FAM168A: variants seen among roughly 807,000 people sequenced by gnomAD.
The protein encoded by FAM168A is protein FAM168A.
In FAM168A, 3 loss-of-function variants were observed where a neutral mutation model predicts 28.5. That is an observed-to-expected ratio of 0.11 (90% CI 0.05 to 0.27). The LOEUF is 0.27. Among genes scored for constraint, FAM168A ranks in the 10% least tolerant of loss-of-function variants. The probability of loss-of-function intolerance (pLI) is 1.00; values close to 1 mark genes in which losing one functional copy is unlikely to be tolerated. For synonymous variants in FAM168A, 122 were observed against 124.2 expected (o/e 0.98, Z 0.12); for missense variants, 222 against 311.5 (o/e 0.71, Z 2.16).
chr11:73,436,045 T>G (rs1867080760), intron 2 of FAM168A, among the ~76,000 whole-genome samples: 1 of 152,208 alleles, frequency 6.6e-6, no homozygotes, highest in Non-Finnish European at 1.5e-5. Flanking sequence ...AGCCTGCCCC[T>G]TTTGTATTTG....
chr11:73,442,789 G>A (rs1196816514), intron 2 of FAM168A, among the ~76,000 whole-genome samples: 1 of 149,172 alleles, frequency 6.7e-6, no homozygotes, highest in Non-Finnish European at 1.5e-5. Context: ...TTGGGTATAC[G>A]TGGTGTACAG....
chr11:73,468,416 A>C lies in FAM168A; in HGVS notation c.59T>G (p.Met20Arg), dbSNP rs745750396. 1 of 1,614,066 alleles carries C rather than the reference A, an allele frequency of 6.2e-7. No individual in the cohort carries two copies. The highest frequency in any genetic ancestry group is 1.1e-5 in the South Asian group (1 of 91,076). ...PGAPYGNPKN[M>R]AYTGYPTAYP... The stretch of plus-strand genomic sequence containing the variant: ...CTCACACTACTCACCCGTGTAGGCC[A>C]TGTTCTTAGGGTTGCCATAAGGAGC... Residue 20 changes from methionine to arginine, a missense_variant, in exon 2 of 8, where the codon ATG becomes AGG. Physicochemically the swap from Met to Arg is moderately conservative, Grantham distance 91. Around this residue, in one of 3 missense-constraint regions of FAM168A, gnomAD observed 153 missense variants for 189.2 expected, o/e 0.81. Transcript: ENST00000356467.
rs1867080508 is a variant in FAM168A, at chr11:73,436,019, T to C, written c.71-5249A>G. Among the ~76,000 whole-genome samples, 3 of 152,208 alleles carry C rather than the reference T, an allele frequency of 2.0e-5. No individual in the cohort carries two copies. In the South Asian group the frequency reaches 6.2e-4, roughly 32 times the overall value. On this transcript the variant is annotated intron_variant, in intron 2 of 7. Coordinates refer to ENST00000356467, the MANE Select transcript of FAM168A (RefSeq NM_015159.3). ...TCCACACCTACCAAATAATTATCAC[T>C]TTGTCCTTAGAAACAAGCCTGCCCC...
chr11:73,402,060 C>G lies in FAM168A; in HGVS notation c.*4703G>C. 1 of 152,388 alleles carries G rather than the reference C, an allele frequency of 6.6e-6. No homozygotes were observed. The highest frequency in any genetic ancestry group is 2.4e-5 in the African/African-American group (1 of 41,588). The allele number at this position is 152,388 out of a possible 1,614,324, so 9.4% of individuals were successfully genotyped here. ...CATCAGTTAGTCTGGCGTGTTTCTTCAGCTCTGCGGGTGGGTCCCAACTGG... is the reference window on the plus strand; with the variant it reads ...CATCAGTTAGTCTGGCGTGTTTCTTGAGCTCTGCGGGTGGGTCCCAACTGG... On this transcript the variant is annotated 3_prime_UTR_variant, in exon 8 of 8. Coordinates refer to ENST00000356467, the MANE Select transcript of FAM168A (RefSeq NM_015159.3).
chr11:73,473,349 C>T (rs370844823), intron 1 of FAM168A, among the ~76,000 whole-genome samples: 18 of 152,214 alleles, frequency 1.2e-4, no homozygotes, highest in African/African-American at 3.1e-4. Flanking sequence ...GTACTAGGTT[C>T]GCCTCTGGAA....
intron 1 of FAM168A, among the ~76,000 whole-genome samples, chr11:73,493,587 T>C (rs1854805343): frequency 6.6e-6 from 1 of 152,150 alleles, no homozygotes; most frequent in African/African-American, 2.4e-5. Context: ...GGCTAATTTT[T>C]GTATTTGTTT....
At chr11:73,413,358 A>G (rs1158020840) in intron 4 of FAM168A, among the ~76,000 whole-genome samples, 1 of 152,230 alleles carries the variant, frequency 6.6e-6, no homozygotes, top group Non-Finnish European at 1.5e-5. Flanking sequence ...AAAGAGAGGG[A>G]AGCATGTTAA....
intron 2 of FAM168A, among the ~76,000 whole-genome samples, chr11:73,434,282 G>T (rs770782011): frequency 1.1e-4 from 16 of 152,254 alleles, no homozygotes; most frequent in Non-Finnish European, 1.8e-4. Context: ...CTAAGAGGGT[G>T]GGAGAAGGCA....
intron 4 of FAM168A, among the ~76,000 whole-genome samples, chr11:73,419,219 T>G (rs1462058505): frequency 6.6e-6 from 1 of 152,154 alleles, no homozygotes; most frequent in Admixed American, 6.5e-5. Flanking sequence ...AGCCTCAGGA[T>G]GAATATGACC....
intron 2 of FAM168A, among the ~76,000 whole-genome samples, chr11:73,458,899 T>C (rs1166124092): frequency 6.6e-6 from 1 of 152,206 alleles, no homozygotes; most frequent in Non-Finnish European, 1.5e-5. Flanking sequence ...CGTGAGCCAC[T>C]GCACCCAGCC....
intron 1 of FAM168A, among the ~76,000 whole-genome samples, chr11:73,494,533 C>G (rs1415737477): frequency 6.6e-6 from 1 of 152,168 alleles, no homozygotes; most frequent in Non-Finnish European, 1.5e-5. Flanking sequence ...GCAGAACCAC[C>G]CTTGTTTGAT....
chr11:73,542,369 T>C (rs998698986), intron 1 of FAM168A, among the ~76,000 whole-genome samples: 5 of 152,202 alleles, frequency 3.3e-5, no homozygotes, highest in African/African-American at 1.2e-4. Context: ...AATTCTAATC[T>C]TGTAGTTGCT....
At chr11:73,466,417 C>CTA (rs1308600783) in intron 2 of FAM168A, among the ~76,000 whole-genome samples, 4 of 152,296 alleles carry the variant, frequency 2.6e-5, no homozygotes, top group Admixed American at 6.5e-5. Flanking sequence ...AAGCTATATA[C>CTA]ATTAGTCAAG....
chr11:73,424,984 T>C, intron 3 of FAM168A: 2 of 1,486,648 alleles, frequency 1.3e-6, no homozygotes, highest in East Asian at 2.5e-5. Context: ...AACACATTCA[T>C]AGGCTGTAAT....
Position 73,445,419 on chromosome 11 carries a change from C to CTTTTTTTTT in FAM168A, c.71-14658_71-14650dup, listed in dbSNP as rs56294455. On this transcript the variant is annotated intron_variant, in intron 2 of 7. Transcript: ENST00000356467. ...CCAGTAGATATATGTAAAAATGTCT[C>CTTTTTTTTT]TTTTTTTTTTTTTTTTTTTTTTTTT... Among the ~76,000 whole-genome samples, 32 of 50,456 alleles carry CTTTTTTTTT rather than the reference C, an allele frequency of 6.3e-4. 4 individuals carry two copies. The highest frequency in any genetic ancestry group is 1.4e-3 in the East Asian group (2 of 1,416). The allele number at this position is 50,456 out of a possible 152,430, so 33.1% of individuals were successfully genotyped here. A position where few individuals can be genotyped will look rare whatever the true frequency, so the allele number is the denominator to read the frequency against.
chr11:73,414,095 C>T (rs1866660852), intron 4 of FAM168A, among the ~76,000 whole-genome samples: 1 of 152,128 alleles, frequency 6.6e-6, no homozygotes, highest in East Asian at 1.9e-4. Flanking sequence ...CTGTGAATCT[C>T]TAAGATGGGA....
chr11:73,571,243 CCT>C (rs1555038724), intron 1 of FAM168A, among the ~76,000 whole-genome samples: 46 of 112,708 alleles, frequency 4.1e-4, no homozygotes, highest in African/African-American at 1.0e-3. Flanking sequence ...CTCCCCCCCC[CCT>C]CCCCACAGTC....
rs994161674 is a variant in FAM168A at position 73,594,378 on chromosome 11, C to T, written c.-19+3545G>A. Reference sequence around the variant, plus strand: ...GCCTCCCAAAGTCTGGGATTATGGGCGTGAGCCACTATGCCTGGCCAGTTT... The same window carrying T: ...GCCTCCCAAAGTCTGGGATTATGGGTGTGAGCCACTATGCCTGGCCAGTTT... On this transcript the variant is annotated intron_variant, in intron 1 of 7. Coordinates refer to ENST00000356467, the MANE Select transcript of FAM168A (RefSeq NM_015159.3). Among the ~76,000 whole-genome samples the T allele has an allele frequency of 5.9e-5, 9 of 151,376 alleles. 1 individual carries two copies. The highest frequency in any genetic ancestry group is 1.7e-4 in the African/African-American group (7 of 41,116).
intron 1 of FAM168A, among the ~76,000 whole-genome samples, chr11:73,555,947 T>G (rs1268034257): frequency 6.6e-6 from 1 of 151,932 alleles, no homozygotes; most frequent in African/African-American, 2.4e-5. Flanking sequence ...TATAAATATT[T>G]GTGGAAAAAA....
Sources: allele counts gnomAD v4.1 joint callset (sites outside exome capture counted in the v4.1 genomes callset), GRCh38; gene constraint gnomAD v4.1.1; regional missense constraint gnomAD v4.1.1; transcripts MANE v1.5; gene names NCBI Gene and HGNC (gene_info 2026-07-23, HGNC 2026-07-21).